Variants in TENM3 observed in about 807,000 individuals in gnomAD.
The protein encoded by TENM3 is teneurin-3.
A neutral mutation model predicts 255.1 loss-of-function variants in TENM3; 63 were observed. The observed-to-expected ratio is 0.25, with a 90% CI of 0.20 to 0.30. The LOEUF (loss-of-function observed/expected upper bound fraction) is 0.30, where lower values mean the gene tolerates loss of function less well. Ranked by LOEUF, TENM3 falls within the 10% of genes least tolerant of loss-of-function variation. The pLI is 1.00. For synonymous variants in TENM3, 1,306 were observed against 1,322.3 expected (o/e 0.99, Z 0.27); for missense variants, 2,929 against 3,461.1 (o/e 0.85, Z 3.86).
At chr4:181,931,713 A>C in the TENM3 span, among the ~76,000 whole-genome samples, 5 of 152,364 alleles carry the variant, frequency 3.3e-5, no homozygotes, top group East Asian at 9.6e-4. Flanking sequence ...AGCCAAGGCA[A>C]TCCTAAGCAA....
chr4:182,732,729 A>T (rs1760870666), intron 16 of TENM3, among the ~76,000 whole-genome samples: 1 of 152,150 alleles, frequency 6.6e-6, no homozygotes, highest in Admixed American at 6.5e-5. Context: ...CAGGATGCAG[A>T]GGTGGGAGGA....
chr4:182,230,812 C>CTATATATA (rs55642239), intron 1 of TENM3, among the ~76,000 whole-genome samples: 906 of 57,884 alleles, frequency 0.016, 62 homozygotes, highest in Non-Finnish European at 0.017. Context: ...GTTTCTCAAA[C>CTATATATA]TATATATATA....
intron 3 of TENM3, among the ~76,000 whole-genome samples, chr4:182,510,805 G>C (rs1276855195): frequency 6.6e-6 from 1 of 151,938 alleles, no homozygotes; most frequent in African/African-American, 2.4e-5. Flanking sequence ...CTTCTTGTAA[G>C]CCACATCAAA....
the TENM3 span, among the ~76,000 whole-genome samples, chr4:181,926,523 A>G: frequency 1.3e-5 from 2 of 152,148 alleles, no homozygotes; most frequent in African/African-American, 4.8e-5. Flanking sequence ...AAGTTTGTCT[A>G]AGACCAACCA....
chr4:182,449,064 C>A (rs1773205855), intron 3 of TENM3: 1 of 344,924 alleles, frequency 2.9e-6, no homozygotes, highest in Non-Finnish European at 5.9e-6. Flanking sequence ...ACGGCCACAG[C>A]GAGGGCGCGC....
the TENM3 span, among the ~76,000 whole-genome samples, chr4:181,903,249 T>A: frequency 1.5e-5 from 2 of 131,866 alleles, no homozygotes; most frequent in Admixed American, 7.1e-5. Flanking sequence ...TTTATATGTG[T>A]ATATATATTT....
intron 3 of TENM3, among the ~76,000 whole-genome samples, chr4:182,581,269 T>A (rs1745465712): frequency 6.6e-6 from 1 of 152,180 alleles, no homozygotes; most frequent in African/African-American, 2.4e-5. Context: ...GTGTGTATGA[T>A]CAAAGTAAGA....
chr4:182,320,693 C>A (rs920323864), intron 1 of TENM3, among the ~76,000 whole-genome samples: 1 of 152,174 alleles, frequency 6.6e-6, no homozygotes, highest in Admixed American at 6.5e-5. Flanking sequence ...TGGGGAGACA[C>A]AATTCAAACC....
intron 3 of TENM3, among the ~76,000 whole-genome samples, chr4:182,547,007 T>C (rs1322519679): frequency 2.0e-5 from 3 of 152,182 alleles, no homozygotes; most frequent in Non-Finnish European, 4.4e-5. Context: ...ATCTTCAATA[T>C]GCATATTTTT....
chr4:181,721,710 G>T, the TENM3 span, among the ~76,000 whole-genome samples: 4 of 150,548 alleles, frequency 2.7e-5, no homozygotes, highest in Non-Finnish European at 4.4e-5. Context: ...AGGGATAGCA[G>T]AAAGGGAGTA....
chr4:181,583,945 C>G, the TENM3 span, among the ~76,000 whole-genome samples: 1 of 152,306 alleles, frequency 6.6e-6, no homozygotes, highest in African/African-American at 2.4e-5. Context: ...TTGTTACATA[C>G]TCTCATAGCC....
At chr4:182,577,298 G>T (rs1440903985) in intron 3 of TENM3, among the ~76,000 whole-genome samples, 2 of 152,268 alleles carry the variant, frequency 1.3e-5, no homozygotes, top group South Asian at 4.1e-4. Flanking sequence ...CTTTAAAAAA[G>T]CAGGAAAGTA....
At chr4:181,804,599 G>C in the TENM3 span, among the ~76,000 whole-genome samples, 3 of 152,306 alleles carry the variant, frequency 2.0e-5, no homozygotes, top group Admixed American at 6.5e-5. Flanking sequence ...TGCAGATACA[G>C]AGGGAAAGGC....
Position 182,754,947 on chromosome 4 carries a change from A to T in TENM3, c.4580A>T (p.Asn1527Ile). The change falls in exon 22 of 28, where the codon AAT becomes ATT. Residue 1527 changes from asparagine to isoleucine, a missense_variant. Physicochemically the swap from Asn to Ile is moderately radical, Grantham distance 149 (BLOSUM62 -3). Transcript: ENST00000511685. The surrounding 1 kb of genome is among the most constrained non-coding windows in gnomAD (Gnocchi z 5.1). Reference sequence around the variant, plus strand: ...CAAGAACTCTACATCTTTGACATCAATGGTACTCACCAATATACTGTAAGT... The same window carrying T: ...CAAGAACTCTACATCTTTGACATCATTGGTACTCACCAATATACTGTAAGT... The part of the protein sequence containing the change: ...TDQELYIFDI[N>I]GTHQYTVSLV... 6.2e-7 allele frequency: 1 copy of T among 1,614,064 alleles called. No homozygotes were observed. The highest frequency in any genetic ancestry group is 1.1e-5 in the South Asian group (1 of 91,084).
At chr4:181,799,188 C>T in the TENM3 span, among the ~76,000 whole-genome samples, 1,377 of 152,306 alleles carry the variant, frequency 9.0e-3, 5 homozygotes, top group Middle Eastern at 0.034. Context: ...AAACCTGAAA[C>T]GAGTGGCTGT....
the TENM3 span, among the ~76,000 whole-genome samples, chr4:181,869,913 C>T: frequency 2.8e-4 from 43 of 152,116 alleles, no homozygotes; most frequent in Non-Finnish European, 6.0e-4. Context: ...GAAGTAGACA[C>T]ATGGAAATAC....
At chr4:181,670,909 C>T in the TENM3 span, among the ~76,000 whole-genome samples, 25 of 152,242 alleles carry the variant, frequency 1.6e-4, no homozygotes, top group South Asian at 6.2e-4. Flanking sequence ...TGCACAGGTT[C>T]GGCATTCTGG....
At chr4:182,174,527 C>G (rs10027352) in intron 1 of TENM3, among the ~76,000 whole-genome samples, 4 of 149,866 alleles carry the variant, frequency 2.7e-5, no homozygotes, top group African/African-American at 4.9e-5. Flanking sequence ...CACACACACA[C>G]ACACAAACAC....
chr4:182,257,117 G>T (rs376250348), intron 1 of TENM3, among the ~76,000 whole-genome samples: 1 of 152,164 alleles, frequency 6.6e-6, no homozygotes, highest in African/African-American at 2.4e-5. Context: ...ACTGGAAGGG[G>T]CTGGTTAAGG....
Sources: gnomAD v4.1 joint callset for allele counts (sites outside exome capture counted in the v4.1 genomes callset) on GRCh38, gnomAD v4.1.1 for gene constraint, Gnocchi (gnomAD v3.1) non-coding constraint, MANE v1.5 for transcripts, NCBI Gene and HGNC (gene_info 2026-07-23, HGNC 2026-07-21) for gene names.